The following GPC5 variants were observed in gnomAD, a reference collection of about 807,000 sequenced individuals.
The protein encoded by GPC5 is glypican 5, also known as glypican-5.
GPC5 carries 47 observed loss-of-function variants against 53.9 expected under a neutral mutation model. That is an observed-to-expected ratio of 0.87 (90% confidence interval 0.69 to 1.11). The LOEUF (loss-of-function observed/expected upper bound fraction) is 1.11. GPC5 is among the 50% of genes most tolerant of loss of function. GPC5 has a pLI of 0.00. For missense variants in GPC5, 748 were observed against 713.1 expected (o/e 1.05, Z -0.56); for synonymous variants, 286 against 263.3 (o/e 1.09, Z -0.84).
At position 92,347,869 on chromosome 13, in the gene GPC5, T is replaced by C. The variant is rs1486368948; in HGVS notation, c.1561+202880T>C. ...CTGTTTTATACATATATATATTATA[T>C]ATATAATATATATTATATATATTAT... On this transcript the variant is annotated intron_variant, in intron 7 of 7. Coordinates refer to ENST00000377067, the MANE Select transcript of GPC5 (RefSeq NM_004466.6). 4.6e-4 allele frequency among the ~76,000 whole-genome samples: 4 copies of C among 8,790 alleles called. 1 individual carries two copies. The highest frequency in any genetic ancestry group is 2.7e-3 in the African/African-American group (3 of 1,094). The allele number at this position is 8,790 out of a possible 152,430, so 5.8% of individuals were successfully genotyped here. A position where few individuals can be genotyped will look rare whatever the true frequency, so the allele number is the denominator to read the frequency against.
intron 7 of GPC5, among the ~76,000 whole-genome samples, chr13:92,789,746 C>T (rs1333923307): frequency 1.3e-5 from 2 of 152,034 alleles, no homozygotes; most frequent in Non-Finnish European, 2.9e-5. Flanking sequence ...TTAGGGTTCT[C>T]TAGAGGCACA....
chr13:92,535,391 C>T (rs916301392), intron 7 of GPC5, among the ~76,000 whole-genome samples: 1 of 152,018 alleles, frequency 6.6e-6, no homozygotes, highest in Non-Finnish European at 1.5e-5. Flanking sequence ...TTTCATCAGG[C>T]GCCGCAACCC....
chr13:92,663,730 ATATCTAC>A (rs2139190897), intron 7 of GPC5, among the ~76,000 whole-genome samples: 2 of 83,590 alleles, frequency 2.4e-5, no homozygotes, highest in South Asian at 5.7e-4. Flanking sequence ...TCTACTAAAT[ATATCTAC>A]TATATATATC....
intron 2 of GPC5, among the ~76,000 whole-genome samples, chr13:91,589,753 T>G (rs1023609281): frequency 6.6e-6 from 1 of 152,164 alleles, no homozygotes; most frequent in Admixed American, 6.6e-5. Context: ...GGTGGCCATG[T>G]GGCTAGAAAT....
At chr13:92,222,133 G>T (rs72636834) in intron 7 of GPC5, among the ~76,000 whole-genome samples, 23,417 of 151,988 alleles carry the variant, frequency 0.15, 2,241 homozygotes, top group Admixed American at 0.21. Context: ...TCTTCCTGCG[G>T]TATCTCCGAT....
At chr13:92,326,032 A>G (rs914208523) in intron 7 of GPC5, among the ~76,000 whole-genome samples, 7 of 152,102 alleles carry the variant, frequency 4.6e-5, no homozygotes, top group Non-Finnish European at 8.8e-5. Flanking sequence ...AAGACTTTCT[A>G]GAGTCAGTTT....
chr13:91,948,476 T>C (rs545872210), intron 6 of GPC5, among the ~76,000 whole-genome samples: 347 of 152,144 alleles, frequency 2.3e-3, no homozygotes, highest in Non-Finnish European at 3.4e-3. Context: ...AATTCTCTCT[T>C]ATGGAACCTA....
At chr13:92,598,977 G>A (rs78896923) in intron 7 of GPC5, among the ~76,000 whole-genome samples, 2 of 152,134 alleles carry the variant, frequency 1.3e-5, no homozygotes, top group Non-Finnish European at 2.9e-5. Context: ...CAAATGCAGA[G>A]TATTCCAAAG....
At chr13:91,727,321 C>T (rs1214910187) in intron 3 of GPC5, among the ~76,000 whole-genome samples, 1 of 152,116 alleles carries the variant, frequency 6.6e-6, no homozygotes, top group Non-Finnish European at 1.5e-5. Flanking sequence ...TGCTGATATC[C>T]TTCTTCACCC....
At chr13:91,961,855 G>A (rs2040129039) in intron 6 of GPC5, among the ~76,000 whole-genome samples, 1 of 152,048 alleles carries the variant, frequency 6.6e-6, no homozygotes, top group Non-Finnish European at 1.5e-5. Flanking sequence ...TGTGATTGAT[G>A]AGGAGGGAGA....
intron 5 of GPC5, among the ~76,000 whole-genome samples, chr13:91,907,503 T>TATATATA (rs2039566577): frequency 1.2e-4 from 15 of 129,544 alleles, no homozygotes; most frequent in Admixed American, 3.2e-4. Flanking sequence ...CTCTCTCTCT[T>TATATATA]TATATATATA....
In GPC5 at chr13:91,737,975, G is replaced by A. The variant is rs984484808; in HGVS notation, c.1154+9310G>A. ...AATATGGGGCTTAAGGAAAGGCCAGGTAATTGAAGCTTATATAGCATCCTG... is the reference window on the plus strand; with the variant it reads ...AATATGGGGCTTAAGGAAAGGCCAGATAATTGAAGCTTATATAGCATCCTG... On this transcript the variant is annotated intron_variant, in intron 4 of 7. Transcript: ENST00000377067. 4.0e-5 allele frequency among the ~76,000 whole-genome samples: 6 copies of A among 151,432 alleles called. No homozygotes were observed. In the South Asian group the frequency reaches 1.0e-3, roughly 26 times the overall value.
chr13:92,234,058 T>C, intron 7 of GPC5, among the ~76,000 whole-genome samples: 1 of 152,216 alleles, frequency 6.6e-6, no homozygotes, highest in Admixed American at 6.5e-5. Flanking sequence ...CAGTCTATCA[T>C]TGTTGGACAT....
intron 7 of GPC5, among the ~76,000 whole-genome samples, chr13:92,589,160 C>T (rs1259821105): frequency 2.0e-5 from 3 of 152,164 alleles, no homozygotes; most frequent in East Asian, 1.9e-4. Flanking sequence ...TTAGCACTAA[C>T]GATGTTCTGT....
intron 6 of GPC5, among the ~76,000 whole-genome samples, chr13:92,129,354 T>G (rs1385289454): frequency 6.6e-6 from 1 of 152,198 alleles, no homozygotes; most frequent in Non-Finnish European, 1.5e-5. Flanking sequence ...GATAATGACT[T>G]TCTCCCAACC....
chr13:92,576,977 T>G (rs2139047858), intron 7 of GPC5, among the ~76,000 whole-genome samples: 1 of 152,300 alleles, frequency 6.6e-6, no homozygotes, highest in Non-Finnish European at 1.5e-5. Flanking sequence ...TTTAAAAAAT[T>G]GAAGTGATGT....
intron 5 of GPC5, among the ~76,000 whole-genome samples, chr13:91,845,451 T>C (rs562343346): frequency 3.3e-5 from 5 of 152,304 alleles, no homozygotes; most frequent in African/African-American, 1.2e-4. Context: ...CTAACAGATC[T>C]ACCACCTCAC....
intron 2 of GPC5, among the ~76,000 whole-genome samples, chr13:91,582,077 A>T (rs1234038451): frequency 1.3e-4 from 20 of 152,100 alleles, no homozygotes; most frequent in Admixed American, 6.5e-4. Flanking sequence ...GTGTAGACAA[A>T]ATGTCTACAC....
At chr13:92,746,061 A>T (rs575530120) in intron 7 of GPC5, among the ~76,000 whole-genome samples, 6 of 152,094 alleles carry the variant, frequency 3.9e-5, no homozygotes, top group Non-Finnish European at 5.9e-5. Flanking sequence ...TGAATCCCAC[A>T]TTCTTGAATA....
Sources: allele counts gnomAD v4.1 joint callset (sites outside exome capture counted in the v4.1 genomes callset), GRCh38; gene constraint gnomAD v4.1.1; transcripts MANE v1.5; gene names NCBI Gene and HGNC (gene_info 2026-07-23, HGNC 2026-07-21).